The following NAGA variants were observed in gnomAD, a reference collection of about 807,000 sequenced individuals.
NAGA encodes alpha-N-acetylgalactosaminidase.
Under a neutral mutation model 45.6 loss-of-function variants are expected in NAGA, and 42 were observed. The observed-to-expected ratio is 0.92, with a 90% CI of 0.72 to 1.19. The LOEUF (loss-of-function observed/expected upper bound fraction) is 1.19, where lower values mean the gene tolerates loss of function less well. Among genes scored for constraint, NAGA ranks in the 50% most tolerant of loss-of-function variants. NAGA has a pLI of 0.00. For missense variants in NAGA, 493 were observed against 544.8 expected, an observed-to-expected ratio of 0.90 and a Z score of 0.95; for synonymous variants, 176 against 203.1, an observed-to-expected ratio of 0.87 and a Z score of 1.13.
At chr22:42,068,381 C>T (rs983969159) in intron 2 of NAGA, 58 bp downstream of exon 2, 2 of 1,613,250 alleles carry the variant, frequency 1.2e-6, no homozygotes, top group African/African-American at 1.3e-5. Context: ...CCACTTCCTG[C>T]CCCCGAATCT....
rs864309554 is a variant in NAGA, at chr22:42,060,383, T to C, written c.1132A>G (p.Ser378Gly). ...AQDVYSGDIISGLRDETNFTV... is the reference protein window; with the variant it reads ...AQDVYSGDIIGGLRDETNFTV... Reference sequence around the variant, plus strand: ...AAGTTGGTTTCATCTCGGAGGCCACTGATGATGTCACCTGAGTAGACGTCC... The same window carrying C: ...AAGTTGGTTTCATCTCGGAGGCCACCGATGATGTCACCTGAGTAGACGTCC... The change falls in exon 9 of 9, where the codon AGT (serine) becomes GGT (glycine). Residue 378 changes from serine (S) to glycine (G), a missense_variant. Physicochemically the swap from Ser to Gly is moderately conservative, Grantham distance 56. Coordinates refer to ENST00000396398, the MANE Select transcript of NAGA (RefSeq NM_000262.3). 2 of 1,613,538 alleles carry C rather than the reference T, an allele frequency of 1.2e-6. No individual in the cohort carries two copies. The highest frequency in any genetic ancestry group is 1.3e-5 in the African/African-American group (1 of 74,956).
In NAGA at chr22:42,060,305, T is replaced by C; in HGVS notation, c.1210A>G (p.Lys404Glu). The stretch of plus-strand genomic sequence containing the variant: ...CACTGCTGGGACATCTCCAGGTTCT[T>C]GATGGGATACAGGTACCACATCACT... Reference protein sequence around the residue: ...GVVMWYLYPIKNLEMSQQ With the variant: ...GVVMWYLYPIENLEMSQQ The change falls in exon 9 of 9, where the codon AAG (lysine) becomes GAG (glutamate). Residue 404 changes from lysine to glutamate, a missense_variant. Coordinates refer to ENST00000396398, the MANE Select transcript of NAGA (RefSeq NM_000262.3). 1 of 1,613,572 alleles carries C rather than the reference T, an allele frequency of 6.2e-7. No homozygotes were observed. The highest frequency in any genetic ancestry group is 8.5e-7 in the Non-Finnish European group (1 of 1,179,930).
rs1275202802 is a variant in NAGA, at chr22:42,058,870, G to A, written c.*1409C>T. On this transcript the variant is annotated 3_prime_UTR_variant, in exon 9 of 9. Coordinates refer to ENST00000396398, the MANE Select transcript of NAGA (RefSeq NM_000262.3). ...ATGCACGGAGGGGCAGGCCTGGGAT[G>A]AGGTAGGCTTCTGTCCTAAGTTTCT... 6.6e-6 allele frequency: 1 copy of A among 152,356 alleles called. No individual in the cohort carries two copies. Among genetic ancestry groups the A allele is most frequent in the African/African-American group, 2.4e-5 (1 of 41,464 alleles). 9.4% of individuals were successfully genotyped at this position (152,356 alleles called of 1,614,324 possible). A position where few individuals can be genotyped will look rare whatever the true frequency, so the allele number is the denominator to read the frequency against.
In NAGA at chr22:42,070,707, T is replaced by G. The variant is rs1602500020; in HGVS notation, c.-410A>C. 6.0e-6 allele frequency: 2 copies of G among 331,772 alleles called. No individual in the cohort carries two copies. The highest frequency in any genetic ancestry group is 4.2e-5 in the Admixed American group (1 of 23,982). 20.6% of individuals were successfully genotyped at this position (331,772 alleles called of 1,614,324 possible). A position where few individuals can be genotyped will look rare whatever the true frequency, so the allele number is the denominator to read the frequency against. Reference sequence around the variant, plus strand: ...CTCCGGACTTCCAGCCGGGTCCGGGTTCCCGCCCTGGGCTCCCCAAAACCG... The same window carrying G: ...CTCCGGACTTCCAGCCGGGTCCGGGGTCCCGCCCTGGGCTCCCCAAAACCG... On this transcript the variant is annotated 5_prime_UTR_variant, in exon 1 of 9. Coordinates refer to ENST00000396398, the MANE Select transcript of NAGA (RefSeq NM_000262.3).
rs1257764729 is a variant in NAGA at position 42,059,737 on chromosome 22, G to C, written c.*542C>G. On this transcript the variant is annotated 3_prime_UTR_variant, in exon 9 of 9. Transcript: ENST00000396398. ...AGTGCCACCAGAGTCCCTAACTAAA[G>C]GTACCCCAGGTCCATATTACAACTA... The C allele has an allele frequency of 6.1e-6, 1 of 163,746 alleles. No individual in the cohort carries two copies. Among genetic ancestry groups the C allele is most frequent in the Non-Finnish European group, 1.4e-5 (1 of 73,876 alleles). 10.1% of individuals were successfully genotyped at this position (163,746 alleles called of 1,614,324 possible).
chr22:42,069,304 G>A lies in NAGA; in HGVS notation c.17-730C>T, dbSNP rs1337369425. On this transcript the variant is annotated intron_variant, in intron 1 of 8. Coordinates refer to ENST00000396398, the MANE Select transcript of NAGA (RefSeq NM_000262.3). Reference sequence around the variant, plus strand: ...ACCTAACCTGGCAAACATCATAGCTGAGCCTAGCCTACCTTAAAAATGTGG... The same window carrying A: ...ACCTAACCTGGCAAACATCATAGCTAAGCCTAGCCTACCTTAAAAATGTGG... 2.6e-5 allele frequency among the ~76,000 whole-genome samples: 4 copies of A among 152,144 alleles called. No homozygotes were observed. The East Asian group carries it at 7.7e-4, about 29-fold the overall frequency.
At chr22:42,069,930 C>T (rs1926955730) in intron 1 of NAGA, among the ~76,000 whole-genome samples, 2 of 152,320 alleles carry the variant, frequency 1.3e-5, no homozygotes, top group South Asian at 4.1e-4. Context: ...AGTAAGCCAG[C>T]CAGGATGGGC....
At chr22:42,070,123 A>G (rs1926968292) in intron 1 of NAGA, among the ~76,000 whole-genome samples, 159 bp downstream of exon 1, 2 of 152,256 alleles carry the variant, frequency 1.3e-5, no homozygotes, top group African/African-American at 4.8e-5. Context: ...AGGAGAAATG[A>G]TTCCCGTATG....
Position 42,060,953 on chromosome 22 carries a change from G to C in NAGA, c.1072C>G (p.Leu358Val). The C allele has an allele frequency of 1.2e-6, 2 of 1,614,250 alleles. No individual in the cohort carries two copies. The highest frequency in any genetic ancestry group is 1.7e-6 in the Non-Finnish European group (2 of 1,180,048). The change falls in exon 8 of 9, where the codon CTG becomes GTG. Residue 358 changes from leucine (L) to valine (V), a missense_variant. Coordinates refer to ENST00000396398, the MANE Select transcript of NAGA (RefSeq NM_000262.3). The part of the protein sequence containing the change: ...PYRYHSSLGQ[L>V]NFTGSVIYEA... ...TATATCACAGACCCGGTGAAGTTCA[G>C]CTGGCCAAGGGAGGAGTGGTAGCGA...
intron 7 of NAGA, among the ~76,000 whole-genome samples, chr22:42,061,313 G>C (rs915801538): frequency 5.3e-5 from 8 of 152,238 alleles, no homozygotes; most frequent in Non-Finnish European, 8.8e-5. Flanking sequence ...ACTGAGACAA[G>C]TGCTGCATGA....
rs9620015 is a variant in NAGA at position 42,060,469 on chromosome 22, C to T, written c.1102-56G>A. 3 of 1,607,784 alleles carry T rather than the reference C, an allele frequency of 1.9e-6. No homozygotes were observed. The African/African-American group carries it at 4.0e-5, about 22-fold the overall frequency. On this transcript the variant is annotated intron_variant, in intron 8 of 8. Transcript: ENST00000396398. ...CCATGAGAGTGGCGGCACAGAGACC[C>T]CCCCCGCTAGAGGATGTAGAAGCCT...
rs2146833928 is a variant in NAGA, at chr22:42,060,381, A to G, written c.1134T>C (p.Ser378=). 1 of 1,613,596 alleles carries G rather than the reference A, an allele frequency of 6.2e-7. No individual in the cohort carries two copies. Among genetic ancestry groups the G allele is most frequent in the Non-Finnish European group, 8.5e-7 (1 of 1,179,990 alleles). The change falls in exon 9 of 9, where the codon AGT becomes AGC. Residue 378 remains serine (S), a synonymous_variant. Coordinates refer to ENST00000396398, the MANE Select transcript of NAGA (RefSeq NM_000262.3). ...AQDVYSGDII[S]GLRDETNFTV... ...TGAAGTTGGTTTCATCTCGGAGGCC[A>G]CTGATGATGTCACCTGAGTAGACGT... is the stretch of plus-strand genomic sequence containing the variant.
chr22:42,063,061 C>A, intron 6 of NAGA, 37 bp from the exon 7 acceptor site: 2 of 1,597,176 alleles, frequency 1.3e-6, no homozygotes, highest in Non-Finnish European at 1.7e-6. Context: ...GCTCTCATCT[C>A]CTCAAGGAGG....
At chr22:42,067,372 A>C in intron 3 of NAGA, 82 bp from the exon 4 acceptor site, 1 of 1,552,346 alleles carries the variant, frequency 6.4e-7, no homozygotes, top group Non-Finnish European at 8.8e-7. Context: ...CGTCCCATTA[A>C]ACCTCCAGTG....
chr22:42,068,813 C>T (rs1926894266), intron 1 of NAGA, among the ~76,000 whole-genome samples: 1 of 27,052 alleles, frequency 3.7e-5, no homozygotes, highest in African/African-American at 2.9e-4. Flanking sequence ...GCCGTCACCA[C>T]AGCATTGCTG....
At chr22:42,061,779 C>T (rs1926409623) in intron 7 of NAGA, among the ~76,000 whole-genome samples, 1 of 151,342 alleles carries the variant, frequency 6.6e-6, no homozygotes. Context: ...AACCCTGTCT[C>T]TACTGAAAAA....
At chr22:42,065,706 G>A (rs765013622) in intron 6 of NAGA, 32 bp downstream of exon 6, 5 of 1,612,684 alleles carry the variant, frequency 3.1e-6, no homozygotes, top group Non-Finnish European at 4.2e-6. Flanking sequence ...CACAGATGGT[G>A]GGCCTAGGGA....
intron 1 of NAGA, among the ~76,000 whole-genome samples, 184 bp from the exon 2 acceptor site, chr22:42,068,758 T>C (rs1014161787): frequency 1.1e-4 from 17 of 151,842 alleles, no homozygotes; most frequent in Admixed American, 8.5e-4. Flanking sequence ...TGCAAAGCAG[T>C]AAGTGGGAGG....
At position 42,067,924 on chromosome 22, in the gene NAGA, G is replaced by A; in HGVS notation, c.165C>T (p.Phe55=). 6.2e-7 allele frequency: 1 copy of A among 1,613,574 alleles called. No individual in the cohort carries two copies. The highest frequency in any genetic ancestry group is 8.5e-7 in the Non-Finnish European group (1 of 1,179,968). The change falls in exon 3 of 9, where the codon TTC becomes TTT. Residue 55 remains phenylalanine, a synonymous_variant. Transcript: ENST00000396398. ...DPKNCISEQL[F]MEMADRMAQD... ...GTGCCATCCGGTCAGCCATCTCCAT[G>A]AAGAGCTGTTCACTAGTGAGGGGCA...
Sources: allele counts gnomAD v4.1 joint callset (sites outside exome capture counted in the v4.1 genomes callset), GRCh38; gene constraint gnomAD v4.1.1; transcripts MANE v1.5; gene names NCBI Gene and HGNC (gene_info 2026-07-23, HGNC 2026-07-21).